CDH26: variants seen among roughly 807,000 people sequenced by gnomAD.
The protein encoded by CDH26 is cadherin-like protein 26.
In CDH26, 83 loss-of-function variants were observed where a neutral mutation model predicts 90.3. The ratio of observed to expected loss-of-function variants is 0.92; its 90% CI spans 0.77 to 1.10. CDH26 has a LOEUF of 1.10. Among genes scored for constraint, CDH26 ranks in the 50% least tolerant of loss-of-function variants. The probability of loss-of-function intolerance (pLI) is 0.00; values close to 1 mark genes in which losing one functional copy is unlikely to be tolerated. For synonymous variants in CDH26, 397 were observed against 396.3 expected, an observed-to-expected ratio of 1.00 and a Z score of -0.02; for missense variants, 1,013 against 1,037.6, an observed-to-expected ratio of 0.98 and a Z score of 0.33.
At chr20:59,980,715 G>A (rs2061385580) in intron 4 of CDH26, among the ~76,000 whole-genome samples, 1 of 152,048 alleles carries the variant, frequency 6.6e-6, no homozygotes, top group Non-Finnish European at 1.5e-5. Context: ...TCTTACCTTT[G>A]TCTTTTCATT....
intron 1 of CDH26, among the ~76,000 whole-genome samples, chr20:59,966,977 A>AATG (rs1263226818): frequency 6.7e-6 from 1 of 150,244 alleles, no homozygotes; most frequent in Non-Finnish European, 1.5e-5. Flanking sequence ...ATGAAAAATC[A>AATG]ATGATAAGTA....
chr20:60,008,976 G>C (rs763742838), intron 17 of CDH26, among the ~76,000 whole-genome samples: 1 of 152,218 alleles, frequency 6.6e-6, no homozygotes, highest in Non-Finnish European at 1.5e-5. Context: ...GGTCCTGACT[G>C]CTGGTGAGGA....
At chr20:60,028,307 T>C (rs1480266290) in intron 7 of CDH26, among the ~76,000 whole-genome samples, 1 of 152,252 alleles carries the variant, frequency 6.6e-6, no homozygotes, top group African/African-American at 2.4e-5. Flanking sequence ...TTATACAGTA[T>C]GTAATCCTTT....
At chr20:60,035,522 G>A (rs1288785114), downstream of CDH26, among the ~76,000 whole-genome samples, 2 of 152,044 alleles carry the variant, frequency 1.3e-5, no homozygotes, top group South Asian at 2.1e-4. Context: ...ATGTTTATGA[G>A]CCACTTATTT....
At chr20:59,967,802 C>A (rs1244579437) in intron 1 of CDH26, among the ~76,000 whole-genome samples, 1 of 139,506 alleles carries the variant, frequency 7.2e-6, no homozygotes, top group Non-Finnish European at 1.6e-5. Flanking sequence ...CCCTCCCTCC[C>A]TCCCTCCCTC....
At chr20:59,979,666 G>A (rs71321562) in intron 4 of CDH26, among the ~76,000 whole-genome samples, 6 of 116,872 alleles carry the variant, frequency 5.1e-5, no homozygotes, top group East Asian at 2.8e-4. Context: ...CACTGTTGTC[G>A]CCCAGGCTGG....
intron 5 of CDH26, among the ~76,000 whole-genome samples, chr20:59,983,373 T>G (rs544474332): frequency 6.6e-6 from 1 of 152,358 alleles, no homozygotes; most frequent in African/African-American, 2.4e-5. Context: ...TGCATATCTC[T>G]GCACATTTTT....
rs2061849586 is a variant in CDH26 at position 60,011,970 on chromosome 20, G to A, written c.2296-557G>A. Reference sequence around the variant, plus strand: ...GAAGCCATGGCCTGAGCATGAATGGGGAGACTGGAGGGCAGTGGTTTGAGG... The same window carrying A: ...GAAGCCATGGCCTGAGCATGAATGGAGAGACTGGAGGGCAGTGGTTTGAGG... On this transcript the variant is annotated intron_variant, in intron 17 of 17. Transcript: ENST00000348616. Among the ~76,000 whole-genome samples, 3 of 152,282 alleles carry A rather than the reference G, an allele frequency of 2.0e-5. No individual in the cohort carries two copies. The South Asian group carries it at 6.2e-4, about 32-fold the overall frequency.
At chr20:59,967,907 T>TC (rs770765565) in intron 1 of CDH26, among the ~76,000 whole-genome samples, 19 of 113,862 alleles carry the variant, frequency 1.7e-4, no homozygotes, top group East Asian at 7.3e-4. Flanking sequence ...CTTCCTTCCT[T>TC]CCTTTCCTTT....
intron 7 of CDH26, chr20:59,986,048 C>T (rs1044376453): frequency 1.1e-4 from 17 of 152,198 alleles, no homozygotes; most frequent in African/African-American, 3.4e-4. Flanking sequence ...GTCAGTAGCA[C>T]CCCTCAGCTG....
At chr20:59,965,836 T>C (rs1199416811) in intron 1 of CDH26, among the ~76,000 whole-genome samples, 1 of 152,212 alleles carries the variant, frequency 6.6e-6, no homozygotes, top group Non-Finnish European at 1.5e-5. Flanking sequence ...TAAAATCCAC[T>C]GGTCTCTCTT....
chr20:59,996,421 A>G, intron 12 of CDH26: 1 of 1,557,926 alleles, frequency 6.4e-7, no homozygotes. Flanking sequence ...TACTGGCCAG[A>G]TAGTATTATT....
At chr20:60,034,006 A>G (rs1239150645) in exon 9 of CDH26, 1 of 182,136 alleles carries the variant, frequency 5.5e-6, no homozygotes, top group Admixed American at 5.8e-5. Context: ...AGCAACTAGC[A>G]TGTTCAACCC....
At chr20:59,998,865 C>T (rs949756920) in intron 13 of CDH26, among the ~76,000 whole-genome samples, 1 of 152,184 alleles carries the variant, frequency 6.6e-6, no homozygotes, top group African/African-American at 2.4e-5. Context: ...GCATTATTAG[C>T]AGTAATTACT....
intron 7 of CDH26, chr20:59,985,982 G>T (rs983969897): frequency 7.9e-5 from 12 of 152,252 alleles, no homozygotes; most frequent in Admixed American, 4.6e-4. Flanking sequence ...TGGAGTGGGG[G>T]CTACTCTGTG....
Position 59,996,747 on chromosome 20 carries a change from G to A in CDH26, c.2005G>A (p.Gly669Ser). 1 of 1,614,200 alleles carries A rather than the reference G, an allele frequency of 6.2e-7. No homozygotes were observed. Among genetic ancestry groups the A allele is most frequent in the East Asian group, 2.2e-5 (1 of 44,878 alleles). The change falls in exon 13 of 18, where the codon GGC becomes AGC. Residue 669 changes from glycine (G) to serine (S), a missense_variant. Gly to Ser is a moderately conservative substitution (Grantham distance 56). Coordinates refer to ENST00000348616, the MANE Select transcript of CDH26 (RefSeq NM_177980.4). ...TLVMYNAESKGTSAQTWSDVE... is the reference protein window; with the variant it reads ...TLVMYNAESKSTSAQTWSDVE... ...GGTCATGTATAATGCGGAGAGCAAA[G>A]GCACTTCAGCCCAGGTAGTGGAATG...
intron 14 of CDH26, among the ~76,000 whole-genome samples, chr20:60,001,074 G>A (rs1569052826): frequency 1.3e-5 from 2 of 152,182 alleles, no homozygotes; most frequent in Non-Finnish European, 1.5e-5. Flanking sequence ...GTTTTCAGGT[G>A]TCTGTGTCAT....
At chr20:59,968,330 C>G (rs1399441716) in intron 1 of CDH26, among the ~76,000 whole-genome samples, 1 of 152,208 alleles carries the variant, frequency 6.6e-6, no homozygotes, top group East Asian at 1.9e-4. Context: ...CTCCTGACCT[C>G]AGGTCATCCA....
In CDH26 at chr20:59,992,618, G is replaced by C. The variant is rs2061542495; in HGVS notation, c.1426+98G>C. Reference sequence around the variant, plus strand: ...CGTCTTTCAGCACAGCAGAGAAAAGGATAAAATAAACCTTGTTATCACTCT... The same window carrying C: ...CGTCTTTCAGCACAGCAGAGAAAAGCATAAAATAAACCTTGTTATCACTCT... On this transcript the variant is annotated intron_variant, in intron 10 of 17. Coordinates refer to ENST00000348616, the MANE Select transcript of CDH26 (RefSeq NM_177980.4). The surrounding 1 kb of genome is among the most constrained non-coding windows in gnomAD (Gnocchi z 5.0). The C allele has an allele frequency of 8.1e-7, 1 of 1,238,786 alleles. No homozygotes were observed. The highest frequency in any genetic ancestry group is 2.0e-5 in the Admixed American group (1 of 50,374). 76.7% of individuals were successfully genotyped at this position (1,238,786 alleles called of 1,614,324 possible).
Sources: gnomAD v4.1 joint callset for allele counts (sites outside exome capture counted in the v4.1 genomes callset) on GRCh38, gnomAD v4.1.1 for gene constraint, Gnocchi (gnomAD v3.1) non-coding constraint, MANE v1.5 for transcripts, NCBI Gene and HGNC (gene_info 2026-07-23, HGNC 2026-07-21) for gene names.